Variants in SCO2 observed in about 807,000 individuals in gnomAD.
SCO2 encodes cytochrome c oxidase assembly factor SCO2.
For missense variants in SCO2, 429 were observed against 348.7 expected (o/e 1.23, Z -1.83); for synonymous variants, 195 against 148.6 (o/e 1.31, Z -2.27).
At position 50,523,892 on chromosome 22, in the gene SCO2, C is replaced by T. The variant is rs748362764; in HGVS notation, c.520G>A (p.Val174Ile). Residue 174 changes from valine to isoleucine, a missense_variant, in exon 2 of 2, where the codon GTT becomes ATT. Physicochemically the swap from Val to Ile is conservative, Grantham distance 29. Transcript: ENST00000395693. ...TGGACGTAGCGGGCCATGGCTTCAA[C>T]GTCGTCCCGCTCGGGGTCCACAGTG... Reference protein sequence around the residue: ...FITVDPERDDVEAMARYVQDF... With the variant: ...FITVDPERDDIEAMARYVQDF... 12 of 1,613,746 alleles carry T rather than the reference C, an allele frequency of 7.4e-6. No homozygotes were observed. Among genetic ancestry groups the T allele is most frequent in the African/African-American group, 4.0e-5 (3 of 74,936 alleles).
rs74479613 is a variant in SCO2 at position 50,525,476 on chromosome 22, C to T, written c.-18G>A. 47,421 of 476,210 alleles carry T rather than the reference C, an allele frequency of 0.1. 2,983 individuals are homozygous for T. Among genetic ancestry groups the T allele is most frequent in the East Asian group, 0.23 (5,390 of 23,822 alleles). 29.5% of individuals were successfully genotyped at this position (476,210 alleles called of 1,614,324 possible). A position where few individuals can be genotyped will look rare whatever the true frequency, so the allele number is the denominator to read the frequency against. ...TCCCAGCCCCGGCGTCCGCACCTCG[C>T]GGCGGGGCCGCGCGTCAGTGGACCA... On this transcript the variant is annotated 5_prime_UTR_variant, in exon 1 of 2. Coordinates refer to ENST00000395693, the MANE Select transcript of SCO2 (RefSeq NM_005138.3).
At chr22:50,524,748 A>AT (rs2069259623) in intron 1 of SCO2, 36 of 523,622 alleles carry the variant, frequency 6.9e-5, no homozygotes, top group South Asian at 5.5e-4. Flanking sequence ...TAACCACGTT[A>AT]TCTATTTGCA....
chr22:50,526,278 C>T (rs765007158), upstream of SCO2: 401 of 1,545,096 alleles, frequency 2.6e-4, 4 homozygotes, highest in Admixed American at 7.2e-3. Flanking sequence ...CTCCTGCTCC[C>T]GGGCGCGAGG....
At position 50,524,040 on chromosome 22, in the gene SCO2, C is replaced by A; in HGVS notation, c.372G>T (p.Val124=). The change falls in exon 2 of 2, where the codon GTG becomes GTT. Residue 124 remains valine (V), a synonymous_variant. Coordinates refer to ENST00000395693, the MANE Select transcript of SCO2 (RefSeq NM_005138.3). ...RCKADFRGQW[V]LMYFGFTHCP... is the part of the protein sequence containing the mutation. ...AGTGAGTGAAGCCAAAGTACATCAG[C>A]ACCCACTGGCCCCGGAAGTCAGCCT... The A allele has an allele frequency of 5.0e-6, 8 of 1,613,528 alleles. No individual in the cohort carries two copies. Among genetic ancestry groups the A allele is most frequent in the Non-Finnish European group, 6.8e-6 (8 of 1,180,042 alleles).
Position 50,523,820 on chromosome 22 carries a change from C to T in SCO2, c.592G>A (p.Val198Ile). ...LLGLTGSTKQ[V>I]AQASHSYRVY... ...CGGTAACTGTGACTAGCCTGGGCAA[C>T]CTGTTTGGTGGAGCCGGTCAGACCC... Residue 198 changes from valine to isoleucine, a missense_variant, in exon 2 of 2, where the codon GTT (valine) becomes ATT (isoleucine). Val to Ile is a conservative substitution (Grantham distance 29). Coordinates refer to ENST00000395693, the MANE Select transcript of SCO2 (RefSeq NM_005138.3). 1.2e-6 allele frequency: 2 copies of T among 1,614,080 alleles called. No homozygotes were observed. The highest frequency in any genetic ancestry group is 2.2e-5 in the East Asian group (1 of 44,886).
chr22:50,525,793 G>A (rs1453977578), upstream of SCO2: 2 of 1,610,762 alleles, frequency 1.2e-6, no homozygotes, highest in East Asian at 2.2e-5. Context: ...GGCAGAACGA[G>A]CTCTGCGAAG....
chr22:50,523,661 A>AGATCTGCTCAGCC lies in SCO2; in HGVS notation c.738_750dup (p.Ser251GlyfsTer2), dbSNP rs767877816. ...GCCATGTGCCGCCGCACACTGTCTG[A>AGATCTGCTCAGCC]GATCTGCTCAGCCGATCTGCTCCGG... On this transcript the variant is annotated stop_gained and frameshift_variant, in exon 2 of 2. Coordinates refer to ENST00000395693, the MANE Select transcript of SCO2 (RefSeq NM_005138.3). LOFTEE classifies it high-confidence loss of function. The AGATCTGCTCAGCC allele has an allele frequency of 6.2e-6, 10 of 1,614,048 alleles. No individual in the cohort carries two copies. Among genetic ancestry groups the AGATCTGCTCAGCC allele is most frequent in the Middle Eastern group, 1.7e-4 (1 of 6,042 alleles).
In SCO2 at chr22:50,525,528, G is replaced by A. The variant is rs986526651; in HGVS notation, c.-70C>T. 1.7e-6 allele frequency: 1 copy of A among 594,262 alleles called. No homozygotes were observed. The highest frequency in any genetic ancestry group is 3.1e-5 in the East Asian group (1 of 31,834). The allele number at this position is 594,262 out of a possible 1,614,324, so 36.8% of individuals were successfully genotyped here. Reference sequence around the variant, plus strand: ...GCACGAGAGGAAGCGCCGACCTCCAGCTCCCTGCGCTCTGCCCCGCCGGCT... The same window carrying A: ...GCACGAGAGGAAGCGCCGACCTCCAACTCCCTGCGCTCTGCCCCGCCGGCT... On this transcript the variant is annotated 5_prime_UTR_variant, in exon 1 of 2. Transcript: ENST00000395693.
intron 1 of SCO2, among the ~76,000 whole-genome samples, chr22:50,525,237 G>C (rs968550773): frequency 6.6e-6 from 1 of 152,252 alleles, no homozygotes; most frequent in Non-Finnish European, 1.5e-5. Flanking sequence ...CTCGTGGCCA[G>C]AAAGGTTCCA....
chr22:50,524,717 A>C, intron 1 of SCO2: 3 of 613,174 alleles, frequency 4.9e-6, no homozygotes, highest in Non-Finnish European at 6.3e-6. Context: ...AAAGCATTCC[A>C]AGTGCATGCC....
rs759100196 is a variant in SCO2 at position 50,524,137 on chromosome 22, T to A, written c.275A>T (p.Glu92Val). Residue 92 changes from glutamate to valine, a missense_variant, in exon 2 of 2, where the codon GAA (glutamate) becomes GTA (valine). Physicochemically the swap from Glu to Val is moderately radical, Grantham distance 121. Coordinates refer to ENST00000395693, the MANE Select transcript of SCO2 (RefSeq NM_005138.3). Reference protein sequence around the residue: ...KERLQQQKRTEALRQAAVGQG... With the variant: ...KERLQQQKRTVALRQAAVGQG... ...GCCCACAGCTGCCTGGCGCAGGGCT[T>A]CTGTTCGCTTTTGCTGCTGCAGCCT... 3.7e-6 allele frequency: 6 copies of A among 1,612,122 alleles called. No individual in the cohort carries two copies. In the African/African-American group the frequency reaches 8.0e-5, roughly 22 times the overall value.
upstream of SCO2, chr22:50,525,794 C>G (rs1251324128): frequency 6.2e-7 from 1 of 1,610,862 alleles, no homozygotes; most frequent in Non-Finnish European, 8.5e-7. Flanking sequence ...GCAGAACGAG[C>G]TCTGCGAAGG....
intron 1 of SCO2, 48 bp downstream of exon 1, chr22:50,525,424 G>C (rs1353422798): frequency 5.6e-6 from 2 of 359,420 alleles, no homozygotes; most frequent in Non-Finnish European, 1.0e-5. Context: ...CCGGAGTCCA[G>C]CGAGTCCTCA....
At chr22:50,525,929 A>AG (rs1064795503), upstream of SCO2, 31 of 1,465,198 alleles carry the variant, frequency 2.1e-5, no homozygotes, top group South Asian at 2.7e-5. Context: ...CTGCAGAGCG[A>AG]GGGGCTGTTA....
At chr22:50,526,029 C>A (rs1188024229), upstream of SCO2, 1 of 1,475,076 alleles carries the variant, frequency 6.8e-7, no homozygotes, top group Non-Finnish European at 8.9e-7. Context: ...CCACGTCGAC[C>A]AGCAGCTCTG....
chr22:50,524,790 C>G, intron 1 of SCO2: 1 of 400,874 alleles, frequency 2.5e-6, no homozygotes, highest in Non-Finnish European at 5.0e-6. Flanking sequence ...AGGTGGGTAA[C>G]TCTCTGGCTT....
upstream of SCO2, chr22:50,525,823 G>C: frequency 6.2e-7 from 1 of 1,610,058 alleles, no homozygotes; most frequent in Non-Finnish European, 8.5e-7. Flanking sequence ...GCGGCGAATG[G>C]CGCGCGGTCG....
chr22:50,526,127 C>G (rs1157560052), upstream of SCO2: 12 of 1,488,776 alleles, frequency 8.1e-6, no homozygotes, highest in South Asian at 1.3e-4. Flanking sequence ...AGCGCCCGGA[C>G]CAGCTCCACG....
At chr22:50,525,780 G>A (rs863224256), upstream of SCO2, 4 of 1,610,824 alleles carry the variant, frequency 2.5e-6, no homozygotes, top group Non-Finnish European at 3.4e-6. Context: ...TTATTGCTGC[G>A]GCGGCAGAAC....
Sources: gnomAD v4.1 joint callset for allele counts (sites outside exome capture counted in the v4.1 genomes callset) on GRCh38, gnomAD v4.1.1 for gene constraint, MANE v1.5 for transcripts, NCBI Gene and HGNC (gene_info 2026-07-23, HGNC 2026-07-21) for gene names.